TAF3: variants seen among roughly 807,000 people sequenced by gnomAD.
TAF3 encodes the protein TATA-box binding protein associated factor 3.
TAF3 carries 7 observed loss-of-function variants against 80.6 expected under a neutral mutation model. The observed-to-expected ratio is 0.09, with a 90% CI of 0.05 to 0.16. The LOEUF (loss-of-function observed/expected upper bound fraction) is 0.16, where lower values mean the gene tolerates loss of function less well. TAF3 is among the 10% of genes least tolerant of loss of function. The probability of loss-of-function intolerance (pLI) is 1.00; values close to 1 mark genes in which losing one functional copy is unlikely to be tolerated. For synonymous variants in TAF3, 444 were observed against 446.1 expected, an observed-to-expected ratio of 1.00 and a Z score of 0.06; for missense variants, 921 against 1,140.2, an observed-to-expected ratio of 0.81 and a Z score of 2.77.
chr10:7,828,779 A>C (rs1443626152), intron 2 of TAF3, among the ~76,000 whole-genome samples: 1 of 152,058 alleles, frequency 6.6e-6, no homozygotes, highest in Non-Finnish European at 1.5e-5. Flanking sequence ...CACACCTGTA[A>C]TCCCAGCACT....
intron 5 of TAF3, among the ~76,000 whole-genome samples, chr10:8,010,656 C>T: frequency 6.6e-6 from 1 of 152,188 alleles, no homozygotes; most frequent in South Asian, 2.1e-4. Flanking sequence ...CCTGTAATCC[C>T]AGCACTTTGG....
intron 2 of TAF3, among the ~76,000 whole-genome samples, chr10:7,945,042 T>A (rs1838011211): frequency 6.6e-6 from 1 of 152,184 alleles, no homozygotes; most frequent in Non-Finnish European, 1.5e-5. Flanking sequence ...GTAGTTGTAA[T>A]TTTTTACTCT....
At position 7,965,328 on chromosome 10, in the gene TAF3, T is replaced by G; in HGVS notation, c.1818T>G (p.Asp606Glu). The G allele has an allele frequency of 6.2e-7, 1 of 1,603,352 alleles. No homozygotes were observed. Among genetic ancestry groups the G allele is most frequent in the African/African-American group, 1.4e-5 (1 of 73,904 alleles). The change falls in exon 3 of 7, where the codon GAT (aspartate) becomes GAG (glutamate). Residue 606 changes from aspartate to glutamate, a missense_variant. Asp to Glu is a conservative substitution (Grantham distance 45). Transcript: ENST00000344293. ...EDVDPKVKLK[D>E]GLVRKEKEKH... is the part of the protein sequence containing the mutation. ...TTGATCCCAAAGTGAAATTGAAAGA[T>G]GGACTTGTGAGGAAGGAGAAAGAGA...
intron 2 of TAF3, among the ~76,000 whole-genome samples, chr10:7,949,028 G>A (rs1031648542): frequency 2.0e-5 from 3 of 152,232 alleles, no homozygotes; most frequent in African/African-American, 4.8e-5. Flanking sequence ...GGCTGCTGCC[G>A]CCGCTGCTGA....
chr10:7,989,111 AC>A (rs1379288546), intron 4 of TAF3, among the ~76,000 whole-genome samples: 1 of 152,164 alleles, frequency 6.6e-6, no homozygotes, highest in Non-Finnish European at 1.5e-5. Context: ...CAAGATTTCA[AC>A]CCAGAGGAAA....
chr10:8,012,494 G>A (rs1832064690), intron 5 of TAF3, among the ~76,000 whole-genome samples: 1 of 152,252 alleles, frequency 6.6e-6, no homozygotes. Context: ...GCGGCACACA[G>A]AGTCACGGCC....
chr10:7,824,638 C>T, intron 2 of TAF3, 78 bp downstream of exon 2: 2 of 1,482,134 alleles, frequency 1.3e-6, no homozygotes, highest in Non-Finnish European at 1.8e-6. Context: ...CATGCTATGT[C>T]AACTTTATAA....
intron 2 of TAF3, among the ~76,000 whole-genome samples, chr10:7,950,066 A>C (rs1294622234): frequency 6.6e-6 from 1 of 152,200 alleles, no homozygotes; most frequent in Non-Finnish European, 1.5e-5. Flanking sequence ...GAAAGTACTT[A>C]TTATTAGCCT....
At chr10:7,897,034 C>G (rs1477584369) in intron 2 of TAF3, among the ~76,000 whole-genome samples, 1 of 152,214 alleles carries the variant, frequency 6.6e-6, no homozygotes, top group Non-Finnish European at 1.5e-5. Context: ...CATGGTCCCT[C>G]CATCCTCAAG....
intron 2 of TAF3, among the ~76,000 whole-genome samples, chr10:7,877,467 C>T (rs1837321739): frequency 6.6e-6 from 1 of 152,098 alleles, no homozygotes; most frequent in African/African-American, 2.4e-5. Flanking sequence ...TTGTTCAGTT[C>T]TTTAAGACAC....
At chr10:7,854,269 C>G (rs1349658596) in intron 2 of TAF3, among the ~76,000 whole-genome samples, 1 of 152,180 alleles carries the variant, frequency 6.6e-6, no homozygotes, top group Non-Finnish European at 1.5e-5. Flanking sequence ...TATTTGCAAA[C>G]ATGCATAGAG....
chr10:7,955,908 C>T (rs1445266524), intron 2 of TAF3, among the ~76,000 whole-genome samples: 2 of 152,022 alleles, frequency 1.3e-5, no homozygotes, highest in African/African-American at 2.4e-5. Flanking sequence ...ATTTGTAAAG[C>T]TTTTGAAAGA....
intron 2 of TAF3, among the ~76,000 whole-genome samples, chr10:7,959,003 G>A (rs1172608877): frequency 5.3e-5 from 8 of 152,070 alleles, no homozygotes; most frequent in African/African-American, 4.8e-5. Context: ...AGCCGGGCGT[G>A]GTGACGGGCG....
At chr10:7,832,144 C>T (rs1234925771) in intron 2 of TAF3, among the ~76,000 whole-genome samples, 1 of 152,126 alleles carries the variant, frequency 6.6e-6, no homozygotes, top group Non-Finnish European at 1.5e-5. Context: ...AGTACTCCTC[C>T]TGTCAGATTG....
intron 2 of TAF3, among the ~76,000 whole-genome samples, chr10:7,864,400 A>C (rs961638566): frequency 6.6e-6 from 1 of 152,230 alleles, no homozygotes; most frequent in Non-Finnish European, 1.5e-5. Context: ...TAACTCTAAC[A>C]AATGCATTGT....
rs747573321 is a variant in TAF3, at chr10:7,915,984, GA to G, written c.410-47924del. ...CAGAGTAAGACTGTCTAAAAAAAAA[GA>G]AAAAAAAAAAACCATGTAGTTTTTA... On this transcript the variant is annotated intron_variant, in intron 2 of 6. Transcript: ENST00000344293. Among the ~76,000 whole-genome samples the G allele has an allele frequency of 4.5e-3, 630 of 138,804 alleles. 1 individual carries two copies. The highest frequency in any genetic ancestry group is 6.2e-3 in the Non-Finnish European group (394 of 63,232). 91.1% of individuals were successfully genotyped at this position (138,804 alleles called of 152,430 possible).
chr10:7,834,753 C>A (rs964700846), intron 2 of TAF3, among the ~76,000 whole-genome samples: 2 of 152,182 alleles, frequency 1.3e-5, no homozygotes, highest in Admixed American at 1.3e-4. Context: ...TGCTTTATCC[C>A]AGATTACACG....
intron 2 of TAF3, chr10:7,833,955 C>T (rs1333143824): frequency 1.2e-5 from 4 of 328,094 alleles, no homozygotes; most frequent in Non-Finnish European, 2.2e-5. Flanking sequence ...CGCTGGGCAC[C>T]ATGGCTGCCT....
At chr10:7,892,500 A>G (rs1837465334) in intron 2 of TAF3, among the ~76,000 whole-genome samples, 1 of 152,236 alleles carries the variant, frequency 6.6e-6, no homozygotes, top group Admixed American at 6.5e-5. Flanking sequence ...TGTTACAATA[A>G]GATGTGATGA....
Sources: allele counts gnomAD v4.1 joint callset (sites outside exome capture counted in the v4.1 genomes callset), GRCh38; gene constraint gnomAD v4.1.1; transcripts MANE v1.5; gene names NCBI Gene and HGNC (gene_info 2026-07-23, HGNC 2026-07-21).